Variants in WDFY4 observed in about 807,000 individuals in gnomAD.
The protein encoded by WDFY4 is WD repeat- and FYVE domain-containing protein 4.
In WDFY4, 169 loss-of-function variants were observed where a neutral mutation model predicts 351.9. The ratio of observed to expected loss-of-function variants is 0.48; its 90% CI spans 0.42 to 0.55. The LOEUF is 0.55. WDFY4 is among the 20% of genes least tolerant of loss of function. WDFY4 has a pLI of 0.00. For missense variants in WDFY4, 3,803 were observed against 3,935.6 expected (o/e 0.97, Z 0.90); for synonymous variants, 1,622 against 1,574.6 (o/e 1.03, Z -0.71).
chr10:48,720,204 C>G (rs1219189366), intron 3 of WDFY4, 79 bp downstream of exon 3: 2 of 1,411,448 alleles, frequency 1.4e-6, no homozygotes, highest in Non-Finnish European at 1.9e-6. Context: ...TCTCAGGCCC[C>G]CCTCTGCTTT....
At chr10:48,926,603 C>CCATT (rs1277410400) in intron 47 of WDFY4, among the ~76,000 whole-genome samples, 1 of 152,076 alleles carries the variant, frequency 6.6e-6, no homozygotes, top group Non-Finnish European at 1.5e-5. Flanking sequence ...TCAGTGTGAC[C>CCATT]CATTGTCTGC....
chr10:48,981,626 G>C lies in WDFY4; in HGVS notation c.9488+148G>C, dbSNP rs563834664. ...CCCCACCAAGCACAGGAAGCAGCCCGTGTGGCCATATAGAGCCCCAGGAAA... is the reference window on the plus strand; with the variant it reads ...CCCCACCAAGCACAGGAAGCAGCCCCTGTGGCCATATAGAGCCCCAGGAAA... On this transcript the variant is annotated intron_variant, in intron 61 of 61. Transcript: ENST00000325239. 10 of 705,124 alleles carry C rather than the reference G, an allele frequency of 1.4e-5. No homozygotes were observed. The African/African-American group carries it at 1.6e-4, about 11-fold the overall frequency. The allele number at this position is 705,124 out of a possible 1,614,324, so 43.7% of individuals were successfully genotyped here.
Position 48,723,499 on chromosome 10 carries a change from T to C in WDFY4, c.523T>C (p.Phe175Leu), listed in dbSNP as rs1198618366. The C allele has an allele frequency of 3.2e-6, 5 of 1,551,466 alleles. No homozygotes were observed. The highest frequency in any genetic ancestry group is 4.4e-6 in the Non-Finnish European group (5 of 1,147,018). Residue 175 changes from phenylalanine to leucine, a missense_variant, in exon 5 of 62, where the codon TTT becomes CTT. By Grantham distance (22) the Phe-to-Leu change is conservative (BLOSUM62 0). This residue lies in a region of WDFY4 where 488 missense variants were observed against 456.8 expected (regional missense o/e 1.07). Transcript: ENST00000325239. The stretch of plus-strand genomic sequence containing the variant: ...GCTCCTACAGTGCCTTTACCTCTTC[T>C]TTGTCTTTCCTCTGGACAAAGATGA... ...ALLLQCLYLF[F>L]VFPLDKDELL... is the part of the protein sequence containing the mutation.
rs878883148 is a variant in WDFY4, at chr10:48,720,026, G to T, written c.250G>T (p.Val84Leu). 1 of 1,551,750 alleles carries T rather than the reference G, an allele frequency of 6.4e-7. No individual in the cohort carries two copies. Among genetic ancestry groups the T allele is most frequent in the East Asian group, 2.4e-5 (1 of 40,922 alleles). Residue 84 changes from valine (V) to leucine (L), a missense_variant, in exon 3 of 62, where the codon GTG (valine) becomes TTG (leucine). Physicochemically the swap from Val to Leu is conservative, Grantham distance 32 (BLOSUM62 1). Transcript: ENST00000325239. ...GTTGCTTCAGGCCTGGGAACACTCC[G>T]TGGGGATCATCTGCTTTCCCAGTCT... ...PLFLKAWEHS[V>L]GIICFPSLQR...
At chr10:48,875,162 T>C (rs1184551267) in intron 42 of WDFY4, 22 bp downstream of exon 42, 2 of 1,348,036 alleles carry the variant, frequency 1.5e-6, no homozygotes, top group Non-Finnish European at 2.0e-6. Flanking sequence ...ATCTATTTTT[T>C]CCTTTAATAG....
chr10:48,786,767 C>A lies in WDFY4; in HGVS notation c.3705C>A (p.Gly1235=). The change falls in exon 20 of 62, where the codon GGC becomes GGA. Residue 1235 remains glycine, a synonymous_variant. Coordinates refer to ENST00000325239, the MANE Select transcript of WDFY4 (RefSeq NM_001394531.1). ...KQKSSLIWRL[G]PTYLFEEAIS... ...AGTCTTCATTAATCTGGCGTCTTGGCCCCACATACCTCTTTGAAGAAGCCA... is the reference window on the plus strand; with the variant it reads ...AGTCTTCATTAATCTGGCGTCTTGGACCCACATACCTCTTTGAAGAAGCCA... 6.4e-7 allele frequency: 1 copy of A among 1,552,324 alleles called. No individual in the cohort carries two copies. Among genetic ancestry groups the A allele is most frequent in the Non-Finnish European group, 8.7e-7 (1 of 1,147,118 alleles).
chr10:48,708,743 C>T (rs1392535894), intron 1 of WDFY4, among the ~76,000 whole-genome samples: 1 of 152,130 alleles, frequency 6.6e-6, no homozygotes, highest in Non-Finnish European at 1.5e-5. Context: ...GCAAACACTG[C>T]TCCTGTGTGC....
At chr10:48,837,742 G>A (rs2133101983) in intron 39 of WDFY4, among the ~76,000 whole-genome samples, 2 of 152,280 alleles carry the variant, frequency 1.3e-5, no homozygotes, top group Middle Eastern at 6.8e-3. Context: ...AGTACAAGGT[G>A]ACTTCCAGCC....
chr10:48,941,934 G>C (rs907704246), intron 48 of WDFY4, 86 bp downstream of exon 48: 1 of 1,291,378 alleles, frequency 7.7e-7, no homozygotes, highest in African/African-American at 1.5e-5. Context: ...GAAGTGTGTG[G>C]ATCAACCAAG....
chr10:48,970,666 A>G (rs1222228799), intron 57 of WDFY4, among the ~76,000 whole-genome samples: 2 of 152,226 alleles, frequency 1.3e-5, no homozygotes, highest in African/African-American at 2.4e-5. Flanking sequence ...ATTTTGCCAC[A>G]AGTTGGCCTT....
At chr10:48,708,632 G>T (rs74896797) in intron 1 of WDFY4, among the ~76,000 whole-genome samples, 1,962 of 152,244 alleles carry the variant, frequency 0.013, 16 homozygotes, top group Non-Finnish European at 0.021. Flanking sequence ...ACTTTTGAAG[G>T]TGTGTACCTT....
At chr10:48,937,438 G>A (rs542751653) in intron 47 of WDFY4, among the ~76,000 whole-genome samples, 172 of 152,292 alleles carry the variant, frequency 1.1e-3, no homozygotes, top group African/African-American at 3.9e-3. Context: ...AACAGTCAGC[G>A]TGTCGGTGTT....
intron 53 of WDFY4, among the ~76,000 whole-genome samples, chr10:48,963,424 T>C (rs115706827): frequency 0.015 from 2,347 of 152,342 alleles, 29 homozygotes; most frequent in Middle Eastern, 0.054. Context: ...TCCTGATCAC[T>C]GCACTTAGCC....
chr10:48,876,998 C>A, intron 42 of WDFY4, 35 bp from the exon 43 acceptor site: 1 of 1,441,488 alleles, frequency 6.9e-7, no homozygotes, highest in Non-Finnish European at 9.1e-7. Flanking sequence ...CAGGTGGCTC[C>A]TGTCAACACC....
intron 9 of WDFY4, 99 bp from the exon 10 acceptor site, chr10:48,733,832 A>T (rs1018621262): frequency 1.9e-6 from 2 of 1,056,802 alleles, no homozygotes; most frequent in Non-Finnish European, 2.8e-6. Context: ...AAAGCATTAT[A>T]TTCACATCTC....
At chr10:48,789,134 A>G (rs1020891702) in intron 21 of WDFY4, among the ~76,000 whole-genome samples, 1 of 152,172 alleles carries the variant, frequency 6.6e-6, no homozygotes. Flanking sequence ...CAGCCTCCTG[A>G]GTAGTTGGGA....
chr10:48,791,240 A>G (rs1456222722), intron 23 of WDFY4, among the ~76,000 whole-genome samples: 1 of 152,252 alleles, frequency 6.6e-6, no homozygotes, highest in Non-Finnish European at 1.5e-5. Flanking sequence ...GCTGCAGAGC[A>G]GACTGCCAGA....
intron 32 of WDFY4, among the ~76,000 whole-genome samples, chr10:48,819,854 C>T (rs1040113370): frequency 2.6e-5 from 4 of 152,118 alleles, no homozygotes; most frequent in Non-Finnish European, 4.4e-5. Context: ...TTGCCACGTT[C>T]GTTATTCTCT....
intron 39 of WDFY4, among the ~76,000 whole-genome samples, chr10:48,864,230 G>A (rs2069453291): frequency 6.6e-6 from 1 of 152,048 alleles, no homozygotes; most frequent in Admixed American, 6.6e-5. Flanking sequence ...TTCTATTCAG[G>A]TTTTTGTTTC....
Sources: allele counts gnomAD v4.1 joint callset (sites outside exome capture counted in the v4.1 genomes callset), GRCh38; gene constraint gnomAD v4.1.1; regional missense constraint gnomAD v4.1.1; transcripts MANE v1.5; gene names NCBI Gene and HGNC (gene_info 2026-07-23, HGNC 2026-07-21).